Variants in RNF115 observed in about 807,000 individuals in gnomAD.
RNF115 encodes the protein ring finger protein 115.
Under a neutral mutation model 39.2 loss-of-function variants are expected in RNF115, and 31 were observed. The observed-to-expected ratio is 0.79, with a 90% confidence interval of 0.59 to 1.07. RNF115 has a LOEUF of 1.07. Among genes scored for constraint, RNF115 ranks in the 50% least tolerant of loss-of-function variants. The pLI, the probability that RNF115 is intolerant of heterozygous loss-of-function variation, is 0.00. For missense variants in RNF115, 384 were observed against 381.7 expected, an observed-to-expected ratio of 1.01 and a Z score of -0.05; for synonymous variants, 124 against 131.0, an observed-to-expected ratio of 0.95 and a Z score of 0.37.
At chr1:145,811,330 C>A (rs1445985804) in intron 1 of RNF115, among the ~76,000 whole-genome samples, 1 of 104,116 alleles carries the variant, frequency 9.6e-6, no homozygotes, top group South Asian at 3.0e-4. Context: ...CCAGCCTGGG[C>A]AACTAAGTGA....
At chr1:145,820,239 C>T (rs1251544066) in intron 1 of RNF115, among the ~76,000 whole-genome samples, 3 of 149,834 alleles carry the variant, frequency 2.0e-5, no homozygotes, top group Non-Finnish European at 3.0e-5. Flanking sequence ...CTGAGGCAGG[C>T]AGATTGCTTA....
intron 1 of RNF115, among the ~76,000 whole-genome samples, chr1:145,807,850 C>T (rs1649524963): frequency 1.3e-5 from 2 of 152,140 alleles, no homozygotes; most frequent in East Asian, 3.8e-4. Context: ...CCTCTGCCTT[C>T]ACACACCCTT....
chr1:145,771,728 T>A lies in RNF115; in HGVS notation c.411A>T (p.Arg137Ser). The stretch of plus-strand genomic sequence containing the variant: ...CAACTCACCCTTCAATAGCTGGAGA[T>A]CTGTCAGGACGAGAACTTCCTCGAG... ...YRSRGSSRPDRSPAIEGILQH... is the reference protein window; with the variant it reads ...YRSRGSSRPDSSPAIEGILQH... Residue 137 changes from arginine to serine, a missense_variant, in exon 4 of 9, where the codon AGA becomes AGT. Physicochemically the swap from Arg to Ser is moderately radical, Grantham distance 110. Coordinates refer to ENST00000582693, the MANE Select transcript of RNF115 (RefSeq NM_014455.4). 6.2e-7 allele frequency: 1 copy of A among 1,613,940 alleles called. No homozygotes were observed. The highest frequency in any genetic ancestry group is 1.6e-4 in the Middle Eastern group (1 of 6,062).
At chr1:145,777,684 G>C (rs1159549557) in intron 3 of RNF115, among the ~76,000 whole-genome samples, 1 of 151,990 alleles carries the variant, frequency 6.6e-6, no homozygotes, top group Non-Finnish European at 1.5e-5. Context: ...AACTAATAGG[G>C]AACACTATCA....
intron 1 of RNF115, among the ~76,000 whole-genome samples, 168 bp from the exon 2 acceptor site, chr1:145,789,134 A>T (rs1398607485): frequency 6.6e-6 from 1 of 151,434 alleles, no homozygotes; most frequent in Admixed American, 6.6e-5. Context: ...ACAGGGTCTC[A>T]CTCTGTCACC....
Position 145,761,132 on chromosome 1 carries a change from T to C in RNF115, c.429-8083A>G, listed in dbSNP as rs117449852. On this transcript the variant is annotated intron_variant, in intron 4 of 8. Transcript: ENST00000582693. ...AGCAGCAAAGCATTCAGGAGGTAAC[T>C]TGGGTGCTGTTAACCAGTTTTATAA... Among the ~76,000 whole-genome samples, 1,297 of 152,294 alleles carry C rather than the reference T, an allele frequency of 8.5e-3. 21 individuals carry two copies. Among genetic ancestry groups the C allele is most frequent in the East Asian group, 0.063 (328 of 5,182 alleles).
chr1:145,772,327 G>T (rs1394848199), intron 3 of RNF115: 1 of 170,556 alleles, frequency 5.9e-6, no homozygotes, highest in Admixed American at 5.6e-5. Context: ...TAAAATGCAT[G>T]TTTCGGTCCT....
In RNF115 at chr1:145,824,001, G is replaced by A; in HGVS notation, c.-128C>T. ...GGCCCACCGCTTCAGAGCCCGCGTC[G>A]GTCACGTGAGTTGGCCAGGCCCAGA... On this transcript the variant is annotated 5_prime_UTR_variant, in exon 1 of 9. Coordinates refer to ENST00000582693, the MANE Select transcript of RNF115 (RefSeq NM_014455.4). 3 of 646,132 alleles carry A rather than the reference G, an allele frequency of 4.6e-6. No individual in the cohort carries two copies. The highest frequency in any genetic ancestry group is 2.6e-5 in the South Asian group (1 of 38,782). The allele number at this position is 646,132 out of a possible 1,614,324, so 40.0% of individuals were successfully genotyped here. A position where few individuals can be genotyped will look rare whatever the true frequency, so the allele number is the denominator to read the frequency against.
intron 5 of RNF115, 86 bp downstream of exon 5, chr1:145,752,892 A>C (rs587679370): frequency 1.0e-6 from 1 of 960,826 alleles, no homozygotes; most frequent in South Asian, 1.4e-5. Flanking sequence ...CGGCCTATGC[A>C]GCTCTTTTTC....
At chr1:145,760,510 A>G (rs1658458409) in intron 4 of RNF115, among the ~76,000 whole-genome samples, 1 of 152,132 alleles carries the variant, frequency 6.6e-6, no homozygotes, top group Non-Finnish European at 1.5e-5. Context: ...TTCCCATGCT[A>G]TTCTCATGAC....
At chr1:145,767,418 G>C (rs1490896499) in intron 4 of RNF115, among the ~76,000 whole-genome samples, 2 of 151,220 alleles carry the variant, frequency 1.3e-5, no homozygotes, top group Admixed American at 6.6e-5. Flanking sequence ...GATGATGGGC[G>C]GCCGGGCAGA....
At chr1:145,777,333 A>G (rs900387469) in intron 3 of RNF115, among the ~76,000 whole-genome samples, 3 of 152,216 alleles carry the variant, frequency 2.0e-5, no homozygotes, top group African/African-American at 7.2e-5. Context: ...AATTGTTACC[A>G]CACCTAATAA....
chr1:145,767,232 C>T (rs1553715100), intron 4 of RNF115, among the ~76,000 whole-genome samples: 2 of 149,628 alleles, frequency 1.3e-5, no homozygotes, highest in Non-Finnish European at 3.0e-5. Flanking sequence ...GGCTGCCGGG[C>T]GGAGGGGCTC....
Position 145,823,967 on chromosome 1 carries a change from C to A in RNF115, c.-94G>T, listed in dbSNP as rs1372605047. 3 of 908,252 alleles carry A rather than the reference C, an allele frequency of 3.3e-6. No homozygotes were observed. The highest frequency in any genetic ancestry group is 6.6e-5 in the East Asian group (2 of 30,120). The allele number at this position is 908,252 out of a possible 1,614,324, so 56.3% of individuals were successfully genotyped here. A position where few individuals can be genotyped will look rare whatever the true frequency, so the allele number is the denominator to read the frequency against. On this transcript the variant is annotated 5_prime_UTR_variant, in exon 1 of 9. Transcript: ENST00000582693. ...GCTGCAGTCGTCGCCGCCGCCGCCG[C>A]CTCGGTGCGGCCCACCGCTTCAGAG...
At chr1:145,797,145 TTCTCTTCCTTA>T (rs1226262125) in intron 1 of RNF115, among the ~76,000 whole-genome samples, 1 of 152,186 alleles carries the variant, frequency 6.6e-6, no homozygotes, top group Non-Finnish European at 1.5e-5. Flanking sequence ...GTTGACCAAC[TTCTCTTCCTTA>T]TCTCTCCCTA....
intron 4 of RNF115, among the ~76,000 whole-genome samples, chr1:145,764,864 G>A (rs1000481257): frequency 2.6e-5 from 4 of 151,764 alleles, no homozygotes; most frequent in Middle Eastern, 3.2e-3. Context: ...CTGCCCGGCC[G>A]CCCCTTCTGG....
chr1:145,790,403 G>C (rs1648608695), intron 1 of RNF115, among the ~76,000 whole-genome samples: 2 of 150,692 alleles, frequency 1.3e-5, no homozygotes, highest in African/African-American at 2.4e-5. Context: ...GCCTCCCAAA[G>C]TACTGGGATT....
At chr1:145,785,479 T>G (rs191014235) in intron 2 of RNF115, among the ~76,000 whole-genome samples, 2 of 152,266 alleles carry the variant, frequency 1.3e-5, no homozygotes, top group Non-Finnish European at 2.9e-5. Flanking sequence ...GAGAGAAATA[T>G]TAAATCCCAT....
intron 3 of RNF115, among the ~76,000 whole-genome samples, chr1:145,781,450 T>C (rs1252353527): frequency 6.6e-6 from 1 of 152,188 alleles, no homozygotes; most frequent in Non-Finnish European, 1.5e-5. Context: ...TTATGAATAC[T>C]ATTTTGAGAT....
Sources: gnomAD v4.1 joint callset for allele counts (sites outside exome capture counted in the v4.1 genomes callset) on GRCh38, gnomAD v4.1.1 for gene constraint, MANE v1.5 for transcripts, NCBI Gene and HGNC (gene_info 2026-07-23, HGNC 2026-07-21) for gene names.